The following CPXM2 variants were observed in gnomAD, a reference collection of about 807,000 sequenced individuals.
CPXM2 encodes carboxypeptidase X, M14 family member 2.
A neutral mutation model predicts 86.1 loss-of-function variants in CPXM2; 66 were observed. The ratio of observed to expected loss-of-function variants is 0.77; its 90% CI spans 0.63 to 0.94. CPXM2 has a LOEUF of 0.94. Among genes scored for constraint, CPXM2 ranks in the 40% least tolerant of loss-of-function variants. The probability of loss-of-function intolerance (pLI) is 0.00; values close to 1 mark genes in which losing one functional copy is unlikely to be tolerated. For synonymous variants in CPXM2, 388 were observed against 400.2 expected (o/e 0.97, Z 0.36); for missense variants, 948 against 1,026.3 (o/e 0.92, Z 1.04).
chr10:123,775,781 C>T (rs138986320), intron 7 of CPXM2, among the ~76,000 whole-genome samples: 2,714 of 152,320 alleles, frequency 0.018, 38 homozygotes, highest in Non-Finnish European at 0.028. Context: ...TTTACAATTC[C>T]CTCTGCACGG....
intron 2 of CPXM2, among the ~76,000 whole-genome samples, chr10:123,903,439 A>G (rs1298573174): frequency 6.6e-6 from 1 of 151,572 alleles, no homozygotes; most frequent in African/African-American, 2.4e-5. Context: ...ACAATCATGC[A>G]CTGAAATTGA....
In CPXM2 at chr10:123,752,774, T is replaced by A. The variant is rs987373023; in HGVS notation, c.2017+1889A>T. On this transcript the variant is annotated intron_variant, in intron 13 of 13. Coordinates refer to ENST00000241305, the MANE Select transcript of CPXM2 (RefSeq NM_198148.3). ...CCACTCACTGGGTAATCCTGGAACA[T>A]CACGGACTGTTCATCCGCCCATTCA... is the stretch of plus-strand genomic sequence containing the variant. 2.5e-5 allele frequency: 5 copies of A among 201,504 alleles called. No individual in the cohort carries two copies. In the Admixed American group the frequency reaches 2.6e-4, roughly 11 times the overall value. 12.5% of individuals were successfully genotyped at this position (201,504 alleles called of 1,614,324 possible).
chr10:123,901,297 A>G (rs1456004173), intron 2 of CPXM2, among the ~76,000 whole-genome samples: 1 of 152,158 alleles, frequency 6.6e-6, no homozygotes, highest in Non-Finnish European at 1.5e-5. Flanking sequence ...GTTCCTTCAC[A>G]CCTGGGCTTC....
intron 13 of CPXM2, chr10:123,752,630 T>C: frequency 2.0e-6 from 2 of 985,118 alleles, no homozygotes; most frequent in Middle Eastern, 5.2e-4. Flanking sequence ...CACGACAGGA[T>C]CATGGGAACA....
intron 3 of CPXM2, among the ~76,000 whole-genome samples, chr10:123,853,759 G>A (rs543713647): frequency 4.7e-4 from 72 of 152,174 alleles, no homozygotes; most frequent in African/African-American, 1.6e-3. Context: ...ACAAAAATTA[G>A]CTGGGCATGG....
At chr10:123,815,889 G>A (rs942899891) in intron 4 of CPXM2, among the ~76,000 whole-genome samples, 3 of 152,206 alleles carry the variant, frequency 2.0e-5, no homozygotes, top group South Asian at 2.1e-4. Flanking sequence ...AATGGTGGAA[G>A]GAATGTAGAG....
chr10:123,762,558 C>T (rs2133989930), intron 10 of CPXM2, among the ~76,000 whole-genome samples: 1 of 152,050 alleles, frequency 6.6e-6, no homozygotes, highest in South Asian at 2.1e-4. Flanking sequence ...TGCTATGATG[C>T]CTGGGTTTAG....
rs138576474 is a variant in CPXM2 at position 123,848,281 on chromosome 10, A to G, written c.514-5793T>C. On this transcript the variant is annotated intron_variant, in intron 3 of 13. Transcript: ENST00000241305. ...TAAACCACTGCTATAAACCCATAAA[A>G]CTTTCCAGGTGCAATCTGCTGATCC... 2.3e-3 allele frequency among the ~76,000 whole-genome samples: 354 copies of G among 152,266 alleles called. 11 individuals carry two copies. In the East Asian group the frequency reaches 0.055, roughly 24 times the overall value.
intron 2 of CPXM2, among the ~76,000 whole-genome samples, chr10:123,931,247 A>T (rs1034912997): frequency 2.9e-5 from 4 of 137,302 alleles, no homozygotes; most frequent in Admixed American, 6.8e-5. Flanking sequence ...GAACCCCAGT[A>T]AAAAAAACCC....
chr10:123,856,054 G>A (rs1277567225), intron 3 of CPXM2, among the ~76,000 whole-genome samples: 6 of 152,168 alleles, frequency 3.9e-5, no homozygotes, highest in Non-Finnish European at 8.8e-5. Context: ...AGCTGTGCAG[G>A]GAGTGTGCTA....
At chr10:123,750,658 C>T in intron 13 of CPXM2, 3 of 974,970 alleles carry the variant, frequency 3.1e-6, no homozygotes, top group Non-Finnish European at 3.7e-6. Context: ...TTGTTTTGCT[C>T]ACCGCAGTAT....
At chr10:123,874,204 G>A (rs1388715612) in intron 2 of CPXM2, among the ~76,000 whole-genome samples, 1 of 152,022 alleles carries the variant, frequency 6.6e-6, no homozygotes, top group Non-Finnish European at 1.5e-5. Context: ...CAAGATCAAG[G>A]CACCAACAGA....
At position 123,798,182 on chromosome 10, in the gene CPXM2, T is replaced by C. The variant is rs1847375843; in HGVS notation, c.739-56A>G. 6.2e-6 allele frequency: 9 copies of C among 1,457,852 alleles called. No homozygotes were observed. In the South Asian group the frequency reaches 1.4e-4, roughly 22 times the overall value. 90.3% of individuals were successfully genotyped at this position (1,457,852 alleles called of 1,614,324 possible). A position where few individuals can be genotyped will look rare whatever the true frequency, so the allele number is the denominator to read the frequency against. ...CTTTTAGTGCTTAATTACCAAGGGATAAAAAGTCAGAATTCACTCATTCAA... is the reference window on the plus strand; with the variant it reads ...CTTTTAGTGCTTAATTACCAAGGGACAAAAAGTCAGAATTCACTCATTCAA... On this transcript the variant is annotated intron_variant, in intron 5 of 13. Transcript: ENST00000241305.
intron 3 of CPXM2, among the ~76,000 whole-genome samples, chr10:123,857,616 ATGGAAGG>A (rs1189060065): frequency 4.4e-4 from 63 of 141,626 alleles, no homozygotes; most frequent in South Asian, 1.5e-3. Flanking sequence ...CGGCGTGGAG[ATGGAAGG>A]CGGCGTGGAG....
intron 3 of CPXM2, 149 bp downstream of exon 3, chr10:123,862,465 G>A: frequency 1.4e-6 from 1 of 724,970 alleles, no homozygotes; most frequent in Non-Finnish European, 2.3e-6. Flanking sequence ...AGCTCTCTCT[G>A]TAAAATTAGG....
At chr10:123,755,366 C>T (rs1003015163) in intron 12 of CPXM2, among the ~76,000 whole-genome samples, 1 of 152,106 alleles carries the variant, frequency 6.6e-6, no homozygotes, top group Non-Finnish European at 1.5e-5. Context: ...GAGAAAAAAG[C>T]CAGTTAAATT....
upstream of CPXM2, chr10:123,892,049 T>A (rs1945286353): frequency 6.6e-6 from 1 of 152,126 alleles, no homozygotes; most frequent in African/African-American, 2.4e-5. Flanking sequence ...TGAGTTTCAA[T>A]CTTAGAAGAA....
At chr10:123,943,737 C>T (rs1256602779), upstream of CPXM2, among the ~76,000 whole-genome samples, 1 of 152,170 alleles carries the variant, frequency 6.6e-6, no homozygotes, top group Non-Finnish European at 1.5e-5. Context: ...AAGCTCAGGG[C>T]CCAGGCTACG....
At chr10:123,841,489 T>C (rs911091001) in intron 4 of CPXM2, among the ~76,000 whole-genome samples, 2 of 152,262 alleles carry the variant, frequency 1.3e-5, no homozygotes, top group African/African-American at 4.8e-5. Context: ...TGAACCTCTG[T>C]ACCTCTTCAA....
Sources: gnomAD v4.1 joint callset for allele counts (sites outside exome capture counted in the v4.1 genomes callset) on GRCh38, gnomAD v4.1.1 for gene constraint, MANE v1.5 for transcripts, NCBI Gene and HGNC (gene_info 2026-07-23, HGNC 2026-07-21) for gene names.